CD3E: variants seen among roughly 807,000 people sequenced by gnomAD.
The protein encoded by CD3E is CD3 epsilon subunit of T-cell receptor complex.
CD3E carries 16 observed loss-of-function variants against 34.7 expected under a neutral mutation model. That is an observed-to-expected ratio of 0.46 (90% CI 0.31 to 0.70). The LOEUF (loss-of-function observed/expected upper bound fraction) is 0.70. Among genes scored for constraint, CD3E ranks in the 30% least tolerant of loss-of-function variants. The pLI is 0.05. For missense variants in CD3E, 223 were observed against 253.9 expected, an observed-to-expected ratio of 0.88 and a Z score of 0.83; for synonymous variants, 70 against 90.8, an observed-to-expected ratio of 0.77 and a Z score of 1.30.
chr11:118,308,039 T>A (rs1335477759), intron 3 of CD3E, among the ~76,000 whole-genome samples: 1 of 152,140 alleles, frequency 6.6e-6, no homozygotes, highest in Non-Finnish European at 1.5e-5. Flanking sequence ...CATGGTGGTG[T>A]ACGCCTGTAG....
At chr11:118,313,104 C>G in intron 6 of CD3E, 1 of 564,190 alleles carries the variant, frequency 1.8e-6, no homozygotes, top group Non-Finnish European at 3.2e-6. Context: ...AAAATAGCAA[C>G]TCCCTAAGAG....
chr11:118,312,116 A>G, intron 4 of CD3E, 37 bp from the exon 5 acceptor site: 6 of 1,591,432 alleles, frequency 3.8e-6, no homozygotes, highest in South Asian at 1.1e-5. Flanking sequence ...TTAAACCATG[A>G]TATTTTCTTA....
intron 6 of CD3E, chr11:118,313,286 C>T (rs1254975148): frequency 5.9e-6 from 2 of 341,128 alleles, no homozygotes; most frequent in East Asian, 7.3e-5. Flanking sequence ...AATAACAATA[C>T]TTAACATTTA....
chr11:118,312,967 G>A (rs770058635), intron 6 of CD3E, 101 bp downstream of exon 6: 19 of 1,305,644 alleles, frequency 1.5e-5, no homozygotes, highest in Non-Finnish European at 1.9e-5. Context: ...CAGTGCCCAG[G>A]CGTCTTTGCG....
At position 118,304,744 on chromosome 11, in the gene CD3E, C is replaced by A; in HGVS notation, c.-92C>A. The A allele has an allele frequency of 1.6e-6, 1 of 612,756 alleles. No homozygotes were observed. The highest frequency in any genetic ancestry group is 3.1e-5 in the East Asian group (1 of 32,528). The allele number at this position is 612,756 out of a possible 1,614,324, so 38.0% of individuals were successfully genotyped here. On this transcript the variant is annotated 5_prime_UTR_variant, in exon 1 of 9. Coordinates refer to ENST00000361763, the MANE Select transcript of CD3E (RefSeq NM_000733.4). The stretch of plus-strand genomic sequence containing the variant: ...GTGTGGGGTTCAGAAACCCTCCTCC[C>A]CTCCCAGCCTCAGGTGCCTGCTTCA...
intron 2 of CD3E, among the ~76,000 whole-genome samples, chr11:118,306,069 T>C (rs988082755): frequency 6.6e-6 from 1 of 152,206 alleles, no homozygotes; most frequent in African/African-American, 2.4e-5. Context: ...CTCAAGTTTA[T>C]TAATCTGCTG....
intron 2 of CD3E, 24 bp downstream of exon 2, chr11:118,305,025 G>A (rs766527547): frequency 6.2e-7 from 1 of 1,611,470 alleles, no homozygotes; most frequent in South Asian, 1.1e-5. Flanking sequence ...AGTGGAAAGG[G>A]TGGTGTGTCT....
chr11:118,315,868 T>A lies in CD3E; in HGVS notation c.*326T>A. Reference sequence around the variant, plus strand: ...GTAACTTCTCCGTTCAGTTCCCTCCTTTTCTTGCATGTAAGTTGTCCCCCA... The same window carrying A: ...GTAACTTCTCCGTTCAGTTCCCTCCATTTCTTGCATGTAAGTTGTCCCCCA... On this transcript the variant is annotated 3_prime_UTR_variant, in exon 9 of 9. Coordinates refer to ENST00000361763, the MANE Select transcript of CD3E (RefSeq NM_000733.4). 2.1e-6 allele frequency: 1 copy of A among 467,510 alleles called. No individual in the cohort carries two copies. The highest frequency in any genetic ancestry group is 2.0e-5 in the African/African-American group (1 of 51,024). 29.0% of individuals were successfully genotyped at this position (467,510 alleles called of 1,614,324 possible).
At chr11:118,305,172 C>A (rs1242248191) in intron 2 of CD3E, among the ~76,000 whole-genome samples, 171 bp downstream of exon 2, 1 of 152,204 alleles carries the variant, frequency 6.6e-6, no homozygotes, top group African/African-American at 2.4e-5. Context: ...AAAAGATAGG[C>A]CACGGGTGCC....
intron 4 of CD3E, among the ~76,000 whole-genome samples, chr11:118,311,256 GT>G (rs1357257714): frequency 6.6e-6 from 1 of 152,154 alleles, no homozygotes. Context: ...TCTTCCAGCT[GT>G]TATGTCCAGA....
intron 6 of CD3E, chr11:118,313,250 C>T: frequency 5.6e-6 from 2 of 356,292 alleles, no homozygotes; most frequent in Admixed American, 8.2e-5. Flanking sequence ...AGTAAAATGG[C>T]ATAAGCTAAG....
rs113839834 is a variant in CD3E, at chr11:118,311,092, T to C, written c.86-1061T>C. On this transcript the variant is annotated intron_variant, in intron 4 of 8. Transcript: ENST00000361763. Reference sequence around the variant, plus strand: ...AAAACTTTGTGAGGTTGGTGTTTTATCTCCATTTCCCTGATAAAGAAGTTG... The same window carrying C: ...AAAACTTTGTGAGGTTGGTGTTTTACCTCCATTTCCCTGATAAAGAAGTTG... Among the ~76,000 whole-genome samples the C allele has an allele frequency of 6.7e-3, 1,014 of 152,354 alleles. 7 individuals are homozygous for C. The highest frequency in any genetic ancestry group is 0.058 in the Middle Eastern group (17 of 294).
At chr11:118,314,610 G>A (rs1200268867) in intron 8 of CD3E, 116 bp downstream of exon 8, 24 of 919,216 alleles carry the variant, frequency 2.6e-5, no homozygotes, top group Non-Finnish European at 3.8e-5. Context: ...CTCACTCAGG[G>A]CTTCCATTAC....
At chr11:118,305,837 C>T (rs1400840843) in intron 2 of CD3E, among the ~76,000 whole-genome samples, 1 of 152,204 alleles carries the variant, frequency 6.6e-6, no homozygotes, top group Non-Finnish European at 1.5e-5. Context: ...CCACATGAGG[C>T]AAAATGGCTC....
intron 4 of CD3E, among the ~76,000 whole-genome samples, chr11:118,309,008 G>T (rs1365872192): frequency 6.6e-6 from 1 of 152,136 alleles, no homozygotes; most frequent in Non-Finnish European, 1.5e-5. Flanking sequence ...AATTTTAAAG[G>T]ATAAGCTTAT....
Position 118,315,800 on chromosome 11 carries a change from G to A in CD3E, c.*258G>A, listed in dbSNP as rs1183651359. ...ACCCTCACAGCTGGCCTGCCCTCTT[G>A]CCAGGATATTTATTTGTGCTATTCA... On this transcript the variant is annotated 3_prime_UTR_variant, in exon 9 of 9. Transcript: ENST00000361763. The A allele has an allele frequency of 3.4e-6, 2 of 590,854 alleles. No homozygotes were observed. The highest frequency in any genetic ancestry group is 6.0e-6 in the Non-Finnish European group (2 of 330,704). The allele number at this position is 590,854 out of a possible 1,614,324, so 36.6% of individuals were successfully genotyped here. A position where few individuals can be genotyped will look rare whatever the true frequency, so the allele number is the denominator to read the frequency against.
At chr11:118,305,506 A>G (rs1948100769) in intron 2 of CD3E, among the ~76,000 whole-genome samples, 1 of 152,218 alleles carries the variant, frequency 6.6e-6, no homozygotes, top group Non-Finnish European at 1.5e-5. Context: ...TTATGAATTG[A>G]TAAATAACCA....
intron 4 of CD3E, among the ~76,000 whole-genome samples, chr11:118,308,902 G>T (rs189339701): frequency 6.6e-6 from 1 of 152,304 alleles, no homozygotes; most frequent in Non-Finnish European, 1.5e-5. Flanking sequence ...TATAATATGG[G>T]TAGATACAGA....
Position 118,313,857 on chromosome 11 carries a change from C to A in CD3E, c.503C>A (p.Ala168Asp), listed in dbSNP as rs772605914. 2 of 1,613,440 alleles carry A rather than the reference C, an allele frequency of 1.2e-6. No individual in the cohort carries two copies. The highest frequency in any genetic ancestry group is 1.3e-5 in the African/African-American group (1 of 75,006). ...KAKPVTRGAGAGGRQRGQNKE... is the reference protein window; with the variant it reads ...KAKPVTRGAGDGGRQRGQNKE... ...AAGCCTGTGACACGAGGAGCGGGTG[C>A]TGGCGGCAGGCAAAGGGGTAAGGCT... Residue 168 changes from alanine (A) to aspartate (D), a missense_variant, in exon 7 of 9, where the codon GCT becomes GAT. Coordinates refer to ENST00000361763, the MANE Select transcript of CD3E (RefSeq NM_000733.4).
Sources: gnomAD v4.1 joint callset for allele counts (sites outside exome capture counted in the v4.1 genomes callset) on GRCh38, gnomAD v4.1.1 for gene constraint, MANE v1.5 for transcripts, NCBI Gene and HGNC (gene_info 2026-07-23, HGNC 2026-07-21) for gene names.